DPP6: variants seen among roughly 807,000 people sequenced by gnomAD.
DPP6 encodes A-type potassium channel modulatory protein DPP6.
In DPP6, 69 loss-of-function variants were observed where a neutral mutation model predicts 122.6. The ratio of observed to expected loss-of-function variants is 0.56; its 90% confidence interval spans 0.46 to 0.69. The LOEUF is 0.69. Among genes scored for constraint, DPP6 ranks in the 30% least tolerant of loss-of-function variants. The pLI, the probability that DPP6 is intolerant of heterozygous loss-of-function variation, is 0.00. For synonymous variants in DPP6, 418 were observed against 433.1 expected, an observed-to-expected ratio of 0.97 and a Z score of 0.43; for missense variants, 928 against 1,116.9, an observed-to-expected ratio of 0.83 and a Z score of 2.41.
intron 16 of DPP6, among the ~76,000 whole-genome samples, chr7:154,817,725 T>C (rs1048309400): frequency 1.3e-5 from 2 of 151,576 alleles, no homozygotes; most frequent in Admixed American, 6.6e-5. Flanking sequence ...ATGCCATGGA[T>C]GTCATGAGTG....
At chr7:154,221,283 G>A (rs1427692309) in intron 1 of DPP6, among the ~76,000 whole-genome samples, 2 of 152,078 alleles carry the variant, frequency 1.3e-5, no homozygotes, top group East Asian at 1.9e-4. Flanking sequence ...TGGAACTATA[G>A]GTGCCTGCCA....
intron 1 of DPP6, among the ~76,000 whole-genome samples, chr7:154,098,815 C>T (rs1805525437): frequency 6.6e-6 from 1 of 152,092 alleles, no homozygotes; most frequent in African/African-American, 2.4e-5. Flanking sequence ...TTAACCTTTC[C>T]TCTGCAAAGA....
the DPP6 span, among the ~76,000 whole-genome samples, chr7:153,875,492 A>T: frequency 6.6e-6 from 1 of 152,138 alleles, no homozygotes; most frequent in Non-Finnish European, 1.5e-5. Context: ...AAAAATACCT[A>T]TATAAATCTT....
intron 7 of DPP6, among the ~76,000 whole-genome samples, chr7:154,679,907 A>G (rs1167916670): frequency 6.6e-6 from 1 of 152,202 alleles, no homozygotes; most frequent in African/African-American, 2.4e-5. Flanking sequence ...CAAATGTAAC[A>G]CAATATGTTA....
intron 1 of DPP6, among the ~76,000 whole-genome samples, chr7:154,373,305 G>A (rs1401087981): frequency 6.6e-6 from 1 of 152,236 alleles, no homozygotes; most frequent in East Asian, 1.9e-4. Context: ...TAGAAATAAC[G>A]ATTTAATTCT....
At chr7:154,453,051 C>A (rs1349664494) in intron 2 of DPP6, among the ~76,000 whole-genome samples, 1 of 152,128 alleles carries the variant, frequency 6.6e-6, no homozygotes. Context: ...CCATGCACAG[C>A]GTATGCCTTT....
In DPP6 at chr7:154,023,682, A is replaced by G. The variant is rs1798829522; in HGVS notation, c.51+135948A>G. Reference sequence around the variant, plus strand: ...ATTTTAATACAGACAGGGTTTCACCATGTTGGCCAGGCTGGTCTCGAACTC... The same window carrying G: ...ATTTTAATACAGACAGGGTTTCACCGTGTTGGCCAGGCTGGTCTCGAACTC... On this transcript the variant is annotated intron_variant, in intron 1 of 25. Transcript: ENST00000404039. Among the ~76,000 whole-genome samples, 3 of 151,938 alleles carry G rather than the reference A, an allele frequency of 2.0e-5. No homozygotes were observed. In the South Asian group the frequency reaches 6.2e-4, roughly 32 times the overall value.
intron 1 of DPP6, among the ~76,000 whole-genome samples, chr7:154,088,856 G>A (rs1033319071): frequency 1.3e-5 from 2 of 152,192 alleles, no homozygotes; most frequent in Non-Finnish European, 2.9e-5. Flanking sequence ...TAAATTTTAT[G>A]TAATTAAAAT....
At chr7:153,764,124 G>A in the DPP6 span, among the ~76,000 whole-genome samples, 2 of 152,116 alleles carry the variant, frequency 1.3e-5, no homozygotes, top group African/African-American at 4.8e-5. Context: ...ATCACAAATA[G>A]TATCATTTAC....
intron 1 of DPP6, among the ~76,000 whole-genome samples, chr7:153,978,449 A>C (rs1379609005): frequency 1.3e-5 from 2 of 152,164 alleles, no homozygotes; most frequent in African/African-American, 4.8e-5. Context: ...TCTGGATATT[A>C]GCCCTTTGTC....
chr7:154,268,577 T>C (rs1803584590), intron 1 of DPP6, among the ~76,000 whole-genome samples: 2 of 152,186 alleles, frequency 1.3e-5, no homozygotes, highest in African/African-American at 4.8e-5. Context: ...GATTCTGACA[T>C]AGGGATTTTG....
intron 1 of DPP6, among the ~76,000 whole-genome samples, chr7:154,261,586 A>G (rs1162035981): frequency 6.6e-6 from 1 of 152,224 alleles, no homozygotes; most frequent in Non-Finnish European, 1.5e-5. Flanking sequence ...AGGTAAGGTC[A>G]GCAGAATAAA....
rs539570898 is a variant in DPP6, at chr7:154,465,470, G to A, written c.359-9469G>A. On this transcript the variant is annotated intron_variant, in intron 2 of 25. Transcript: ENST00000377770. ...TTTTGCAATCTATCCATCTGACAAA[G>A]GGCTAATATCCAGAACCTACAAAAA... Among the ~76,000 whole-genome samples, 4 of 152,148 alleles carry A rather than the reference G, an allele frequency of 2.6e-5. No individual in the cohort carries two copies. In the East Asian group the frequency reaches 7.7e-4, roughly 29 times the overall value.
At chr7:154,434,130 A>T (rs898738452) in intron 1 of DPP6, among the ~76,000 whole-genome samples, 1 of 152,234 alleles carries the variant, frequency 6.6e-6, no homozygotes, top group African/African-American at 2.4e-5. Flanking sequence ...AAAATAAAAC[A>T]TTAACAGTCT....
chr7:154,421,785 G>A (rs1817493460), intron 1 of DPP6, among the ~76,000 whole-genome samples: 1 of 152,192 alleles, frequency 6.6e-6, no homozygotes, highest in African/African-American at 2.4e-5. Context: ...AGTCAAACAA[G>A]TCATTAGTGG....
chr7:153,986,211 A>G (rs1252091120), intron 1 of DPP6, among the ~76,000 whole-genome samples: 1 of 152,176 alleles, frequency 6.6e-6, no homozygotes, highest in African/African-American at 2.4e-5. Context: ...CATTTTTCAC[A>G]CTTTAAAGAA....
chr7:154,772,249 C>T (rs1035853623), intron 9 of DPP6, among the ~76,000 whole-genome samples: 1 of 152,218 alleles, frequency 6.6e-6, no homozygotes, highest in African/African-American at 2.4e-5. Context: ...CTGACATGCC[C>T]TGTCGTGGGC....
chr7:154,237,839 A>G (rs542203271), intron 1 of DPP6, among the ~76,000 whole-genome samples: 14 of 152,202 alleles, frequency 9.2e-5, no homozygotes, highest in Non-Finnish European at 1.6e-4. Flanking sequence ...ACCTTGTTAA[A>G]GAAAGAAGGT....
At chr7:154,067,713 T>G (rs1182397390) in intron 1 of DPP6, among the ~76,000 whole-genome samples, 5 of 152,158 alleles carry the variant, frequency 3.3e-5, no homozygotes, top group African/African-American at 1.2e-4. Context: ...GCAGTAATGT[T>G]GCTGGAAAGA....
Sources: allele counts gnomAD v4.1 joint callset (sites outside exome capture counted in the v4.1 genomes callset), GRCh38; gene constraint gnomAD v4.1.1; transcripts MANE v1.5; gene names NCBI Gene and HGNC (gene_info 2026-07-23, HGNC 2026-07-21).